CLDN14: variants seen among roughly 807,000 people sequenced by gnomAD.
The protein encoded by CLDN14 is claudin-14.
Under a neutral mutation model 2.1 loss-of-function variants are expected in CLDN14, and 2 were observed. The ratio of observed to expected loss-of-function variants is 0.96; its 90% CI spans 0.39 to 3.01. The LOEUF (loss-of-function observed/expected upper bound fraction) is 3.01, where lower values mean the gene tolerates loss of function less well. Ranked by LOEUF, CLDN14 falls within the 30% of genes most tolerant of loss-of-function variation. CLDN14 has a pLI of 0.09. For synonymous variants in CLDN14, 136 were observed against 154.4 expected, an observed-to-expected ratio of 0.88 and a Z score of 0.88; for missense variants, 298 against 328.0, an observed-to-expected ratio of 0.91 and a Z score of 0.71.
chr21:36,565,384 T>C (rs1270004505), intron 1 of CLDN14, among the ~76,000 whole-genome samples: 2 of 151,902 alleles, frequency 1.3e-5, no homozygotes, highest in African/African-American at 2.4e-5. Context: ...AACCCTGCAA[T>C]TGTATTGCAG....
At chr21:36,542,694 G>GC in intron 1 of CLDN14, 1 of 152,284 alleles carries the variant, frequency 6.6e-6, no homozygotes, top group Non-Finnish European at 1.5e-5. Flanking sequence ...CCTCCCAGAG[G>GC]CCCCCCAGCA....
rs202117396 is a variant in CLDN14 at position 36,461,680 on chromosome 21, C to T, written c.16G>A (p.Val6Met). The stretch of plus-strand genomic sequence containing the variant: ...CTGAGCAGGAAGCCCAGAAGCTGCA[C>T]GGCCGTGCTGGCCATGGTGCGGCTG... Reference protein sequence around the residue: MASTAVQLLGFLLSFL... With the variant: MASTAMQLLGFLLSFL... Residue 6 changes from valine to methionine, a missense_variant, in exon 2 of 2, where the codon GTG (valine) becomes ATG (methionine). Val to Met is a conservative substitution (Grantham distance 21). Transcript: ENST00000399135. 24 of 1,553,054 alleles carry T rather than the reference C, an allele frequency of 1.5e-5. No homozygotes were observed. In the East Asian group the frequency reaches 3.4e-4, roughly 22 times the overall value.
chr21:36,470,446 C>A (rs771644717), intron 1 of CLDN14, among the ~76,000 whole-genome samples: 1 of 151,806 alleles, frequency 6.6e-6, no homozygotes, highest in African/African-American at 2.4e-5. Context: ...GCCAGCAACC[C>A]GCGGAGAATC....
At chr21:36,555,184 T>G (rs1290203945) in intron 1 of CLDN14, among the ~76,000 whole-genome samples, 1 of 152,232 alleles carries the variant, frequency 6.6e-6, no homozygotes, top group Non-Finnish European at 1.5e-5. Context: ...ATAACCATGC[T>G]TCACTCTGAG....
At chr21:36,509,237 C>T (rs1396889011) in intron 2 of CLDN14, among the ~76,000 whole-genome samples, 3 of 152,326 alleles carry the variant, frequency 2.0e-5, no homozygotes, top group South Asian at 2.1e-4. Flanking sequence ...GCTGTGAAGG[C>T]ACTTCCGGTG....
chr21:36,520,667 C>T (rs977912851), intron 1 of CLDN14, among the ~76,000 whole-genome samples: 5 of 152,082 alleles, frequency 3.3e-5, no homozygotes, highest in African/African-American at 1.2e-4. Context: ...TTATCAGCAG[C>T]GTGAAAATGG....
chr21:36,484,714 T>TC (rs2086877813), upstream of CLDN14, among the ~76,000 whole-genome samples: 1 of 138,892 alleles, frequency 7.2e-6, no homozygotes, highest in Non-Finnish European at 1.6e-5. Flanking sequence ...CTAAGAAGCT[T>TC]TTTTTTTTCT....
intron 1 of CLDN14, among the ~76,000 whole-genome samples, chr21:36,574,202 G>A (rs74369817): frequency 6.6e-6 from 1 of 152,194 alleles, no homozygotes; most frequent in Non-Finnish European, 1.5e-5. Flanking sequence ...GCATAAAGAC[G>A]GACATGCAAA....
intron 2 of CLDN14, among the ~76,000 whole-genome samples, chr21:36,509,545 A>G (rs1233837722): frequency 6.6e-6 from 1 of 152,076 alleles, no homozygotes; most frequent in Non-Finnish European, 1.5e-5. Flanking sequence ...CCATACAGAA[A>G]TTCCTTCTCC....
At chr21:36,493,305 G>A (rs1239532743) in intron 2 of CLDN14, among the ~76,000 whole-genome samples, 3 of 152,132 alleles carry the variant, frequency 2.0e-5, no homozygotes, top group Non-Finnish European at 4.4e-5. Flanking sequence ...GAGTAGAGAG[G>A]GCTGCTCTTC....
intron 1 of CLDN14, among the ~76,000 whole-genome samples, chr21:36,512,663 A>G (rs879459455): frequency 1.3e-5 from 2 of 152,216 alleles, no homozygotes; most frequent in Admixed American, 6.5e-5. Flanking sequence ...AGCAAAGCAC[A>G]CAGATGTGTG....
intron 1 of CLDN14, among the ~76,000 whole-genome samples, chr21:36,543,129 G>A (rs1430608798): frequency 6.6e-6 from 1 of 152,210 alleles, no homozygotes; most frequent in Admixed American, 6.5e-5. Flanking sequence ...GTGCGCGGAG[G>A]GACTCAACTG....
chr21:36,461,396 G>C lies in CLDN14; in HGVS notation c.300C>G (p.Ile100Met). ...LSGIACACAV[I>M]GMKCTRCAKG... is the part of the protein sequence containing the mutation. ...TGGCGCAGCGCGTGCACTTCATCCC[G>C]ATGACGGCGCAGGCGCAGGCTATGC... Residue 100 changes from isoleucine (I) to methionine (M), a missense_variant, in exon 2 of 2, where the codon ATC (isoleucine) becomes ATG (methionine). Transcript: ENST00000399135. 6.2e-7 allele frequency: 1 copy of C among 1,613,194 alleles called. No homozygotes were observed. Among genetic ancestry groups the C allele is most frequent in the Non-Finnish European group, 8.5e-7 (1 of 1,179,964 alleles).
At chr21:36,486,628 GT>G (rs1264021746) in intron 2 of CLDN14, 17 of 1,528,266 alleles carry the variant, frequency 1.1e-5, no homozygotes, top group Admixed American at 1.0e-4. Context: ...CATTCAACGT[GT>G]TTACAAAGGC....
chr21:36,557,961 T>C (rs1004795076), intron 1 of CLDN14, among the ~76,000 whole-genome samples: 8 of 152,170 alleles, frequency 5.3e-5, no homozygotes, highest in Non-Finnish European at 8.8e-5. Flanking sequence ...TGTGTATGGT[T>C]CAAGATAATG....
intron 1 of CLDN14, among the ~76,000 whole-genome samples, chr21:36,538,408 G>A (rs2087449122): frequency 1.3e-5 from 2 of 152,142 alleles, no homozygotes; most frequent in South Asian, 2.1e-4. Context: ...AAGGTCAAGA[G>A]ATCGAGACCA....
chr21:36,468,853 A>G (rs2086678146), intron 1 of CLDN14, among the ~76,000 whole-genome samples: 1 of 150,966 alleles, frequency 6.6e-6, no homozygotes, highest in African/African-American at 2.4e-5. Flanking sequence ...TCTGCCTCCC[A>G]GGTTCAAGTG....
chr21:36,540,144 A>C (rs1206008052), intron 1 of CLDN14, among the ~76,000 whole-genome samples: 3 of 151,666 alleles, frequency 2.0e-5, no homozygotes, highest in Non-Finnish European at 4.4e-5. Context: ...GTGTTTATAC[A>C]GTCATCCCTC....
At chr21:36,513,008 A>G (rs2087197832) in intron 1 of CLDN14, among the ~76,000 whole-genome samples, 1 of 152,250 alleles carries the variant, frequency 6.6e-6, no homozygotes, top group African/African-American at 2.4e-5. Flanking sequence ...TAGTCTGCCC[A>G]TCACCTCACA....
Sources: allele counts gnomAD v4.1 joint callset (sites outside exome capture counted in the v4.1 genomes callset), GRCh38; gene constraint gnomAD v4.1.1; transcripts MANE v1.5; gene names NCBI Gene and HGNC (gene_info 2026-07-23, HGNC 2026-07-21).